The following LRMDA variants were observed in gnomAD, a reference collection of about 807,000 sequenced individuals.
LRMDA encodes leucine rich melanocyte differentiation associated.
In LRMDA, 18 loss-of-function variants were observed where a neutral mutation model predicts 29.8. The ratio of observed to expected loss-of-function variants is 0.60; its 90% CI spans 0.42 to 0.90. The LOEUF is 0.90. Ranked by LOEUF, LRMDA falls within the 40% of genes least tolerant of loss-of-function variation. The pLI, the probability that LRMDA is intolerant of heterozygous loss-of-function variation, is 0.00. For missense variants in LRMDA, 273 were observed against 273.9 expected (o/e 1.00, Z 0.02); for synonymous variants, 125 against 109.4 (o/e 1.14, Z -0.89).
intron 2 of LRMDA, among the ~76,000 whole-genome samples, chr10:75,593,930 G>A (rs1330404528): frequency 6.6e-6 from 1 of 152,186 alleles, no homozygotes; most frequent in Non-Finnish European, 1.5e-5. Context: ...CTGCTGCCGC[G>A]GGATGATCCT....
intron 2 of LRMDA, among the ~76,000 whole-genome samples, chr10:75,890,271 A>C (rs545084206): frequency 5.2e-4 from 79 of 152,300 alleles, no homozygotes; most frequent in African/African-American, 1.6e-3. Flanking sequence ...TAAAGATTTA[A>C]GCCTGAAATG....
At chr10:76,514,346 T>G (rs1168980773) in intron 6 of LRMDA, among the ~76,000 whole-genome samples, 1 of 152,080 alleles carries the variant, frequency 6.6e-6, no homozygotes, top group Non-Finnish European at 1.5e-5. Flanking sequence ...ACCTAGATCA[T>G]CCTCATCAAA....
At chr10:75,737,686 C>A (rs1396434009) in intron 2 of LRMDA, among the ~76,000 whole-genome samples, 1 of 152,188 alleles carries the variant, frequency 6.6e-6, no homozygotes. Flanking sequence ...CTTAACTCAG[C>A]CTAAGTTGGC....
At chr10:75,693,313 A>C (rs1842194212) in intron 2 of LRMDA, among the ~76,000 whole-genome samples, 1 of 152,180 alleles carries the variant, frequency 6.6e-6, no homozygotes, top group Non-Finnish European at 1.5e-5. Context: ...TTGCCAGAGA[A>C]CCACAATGTA....
intron 5 of LRMDA, among the ~76,000 whole-genome samples, chr10:76,313,569 C>G (rs1840656210): frequency 6.6e-6 from 1 of 152,134 alleles, no homozygotes; most frequent in African/African-American, 2.4e-5. Context: ...CATTCCTAGA[C>G]TATAAAATAG....
chr10:76,145,669 TA>T (rs1564665860), intron 5 of LRMDA, among the ~76,000 whole-genome samples: 18 of 150,914 alleles, frequency 1.2e-4, no homozygotes, highest in Non-Finnish European at 2.4e-4. Context: ...TTTTTGAAGG[TA>T]TTTTTGTGTC....
intron 5 of LRMDA, among the ~76,000 whole-genome samples, chr10:76,323,272 G>A (rs1427420524): frequency 6.6e-6 from 1 of 151,800 alleles, no homozygotes; most frequent in Non-Finnish European, 1.5e-5. Context: ...AAATTTAAAG[G>A]GTTTTTCTAG....
At chr10:75,907,800 T>C (rs1325258286) in intron 2 of LRMDA, among the ~76,000 whole-genome samples, 2 of 152,174 alleles carry the variant, frequency 1.3e-5, no homozygotes, top group African/African-American at 4.8e-5. Flanking sequence ...GGAGGACTAT[T>C]AAGGGAGCAG....
chr10:75,646,317 G>A (rs1428588003), intron 2 of LRMDA, among the ~76,000 whole-genome samples: 2 of 152,088 alleles, frequency 1.3e-5, no homozygotes, highest in African/African-American at 4.8e-5. Context: ...CTGGATAGGC[G>A]CGGCCACCAT....
At chr10:76,008,007 CTCTCATCTGAAAATCAATTTTAAG>C (rs1847703510) in intron 2 of LRMDA, among the ~76,000 whole-genome samples, 1 of 152,156 alleles carries the variant, frequency 6.6e-6, no homozygotes, top group Admixed American at 6.5e-5. Flanking sequence ...CTCTCTCGAG[CTCTCATCTGAAAATCAATTTTAAG>C]CAAGTGGCAG....
intron 2 of LRMDA, among the ~76,000 whole-genome samples, chr10:75,460,109 A>G (rs1844567403): frequency 6.6e-6 from 1 of 152,182 alleles, no homozygotes; most frequent in Admixed American, 6.5e-5. Flanking sequence ...GCAATATTTA[A>G]ATGTCAATAC....
chr10:75,903,933 A>T (rs925785272), intron 2 of LRMDA, among the ~76,000 whole-genome samples: 2 of 152,240 alleles, frequency 1.3e-5, no homozygotes, highest in Admixed American at 1.3e-4. Flanking sequence ...AATGGGGATT[A>T]TGACACTTGC....
At chr10:75,830,393 A>C (rs1438660667) in intron 2 of LRMDA, among the ~76,000 whole-genome samples, 1 of 152,186 alleles carries the variant, frequency 6.6e-6, no homozygotes, top group Non-Finnish European at 1.5e-5. Context: ...GTCTGTTTTC[A>C]TGCTGCTGAT....
intron 2 of LRMDA, among the ~76,000 whole-genome samples, chr10:75,448,599 A>G (rs931087704): frequency 8.5e-5 from 13 of 152,214 alleles, no homozygotes; most frequent in African/African-American, 3.1e-4. Flanking sequence ...GGTGGGCTCT[A>G]TTAGCATTTA....
chr10:75,895,245 T>A (rs1425314340), intron 2 of LRMDA, among the ~76,000 whole-genome samples: 1 of 152,182 alleles, frequency 6.6e-6, no homozygotes, highest in East Asian at 1.9e-4. Context: ...GGTGAATCTG[T>A]CAGGTGCTGT....
At chr10:76,144,747 G>A (rs1207049252) in intron 5 of LRMDA, among the ~76,000 whole-genome samples, 1 of 152,110 alleles carries the variant, frequency 6.6e-6, no homozygotes, top group Non-Finnish European at 1.5e-5. Context: ...GGAGTGGTGA[G>A]AGAGGGCATC....
In LRMDA at chr10:75,985,964, C is replaced by T. The variant is rs375259553; in HGVS notation, c.132-50044C>T. Among the ~76,000 whole-genome samples, 394 of 152,356 alleles carry T rather than the reference C, an allele frequency of 2.6e-3. 2 individuals are homozygous for T. Among genetic ancestry groups the T allele is most frequent in the Middle Eastern group, 6.8e-3 (2 of 294 alleles). On this transcript the variant is annotated intron_variant, in intron 2 of 6. Transcript: ENST00000611255. ...TGATAAAGCCAACATGGTAGAAAGG[C>T]TCTTGTATCAACAGGAGTTGGTCAA...
At chr10:75,613,293 A>G (rs982773442) in intron 2 of LRMDA, among the ~76,000 whole-genome samples, 1 of 152,210 alleles carries the variant, frequency 6.6e-6, no homozygotes, top group African/African-American at 2.4e-5. Context: ...AAAATAACAC[A>G]TACATCAGAC....
At chr10:75,491,687 G>A (rs757228051) in intron 2 of LRMDA, among the ~76,000 whole-genome samples, 9 of 151,882 alleles carry the variant, frequency 5.9e-5, no homozygotes, top group Non-Finnish European at 1.2e-4. Flanking sequence ...TTTCTCTTTC[G>A]CCTAGGGGAT....
Sources: allele counts gnomAD v4.1 joint callset (sites outside exome capture counted in the v4.1 genomes callset), GRCh38; gene constraint gnomAD v4.1.1; transcripts MANE v1.5; gene names NCBI Gene and HGNC (gene_info 2026-07-23, HGNC 2026-07-21).